The following RBM19 variants were observed in gnomAD, a reference collection of about 807,000 sequenced individuals.
RBM19 encodes RNA binding motif protein 19.
In RBM19, 94 loss-of-function variants were observed where a neutral mutation model predicts 116.8. The observed-to-expected ratio is 0.80, with a 90% CI of 0.68 to 0.95. The LOEUF (loss-of-function observed/expected upper bound fraction) is 0.95, where lower values mean the gene tolerates loss of function less well. RBM19 is among the 40% of genes least tolerant of loss of function. The pLI, the probability that RBM19 is intolerant of heterozygous loss-of-function variation, is 0.00. For synonymous variants in RBM19, 475 were observed against 494.1 expected (o/e 0.96, Z 0.51); for missense variants, 1,161 against 1,220.7 (o/e 0.95, Z 0.73).
intron 19 of RBM19, among the ~76,000 whole-genome samples, chr12:113,919,058 A>T (rs958680578): frequency 1.3e-5 from 2 of 152,238 alleles, no homozygotes; most frequent in African/African-American, 2.4e-5. Flanking sequence ...TATCGCGTGA[A>T]AGAGAAACAC....
rs187103210 is a variant in RBM19, at chr12:113,943,671, A to G, written c.1627-1237T>C. ...AAACCTCATCTCTACTAAAAATACAAAATTAGCCAGGCATGGTGGTGCGTG... is the reference window on the plus strand; with the variant it reads ...AAACCTCATCTCTACTAAAAATACAGAATTAGCCAGGCATGGTGGTGCGTG... On this transcript the variant is annotated intron_variant, in intron 13 of 23. Transcript: ENST00000261741. Among the ~76,000 whole-genome samples, 287 of 152,014 alleles carry G rather than the reference A, an allele frequency of 1.9e-3. 2 individuals are homozygous for G. The highest frequency in any genetic ancestry group is 2.9e-3 in the Non-Finnish European group (196 of 67,994).
At chr12:113,872,323 G>T (rs1266049881) in intron 21 of RBM19, among the ~76,000 whole-genome samples, 1 of 150,258 alleles carries the variant, frequency 6.7e-6, no homozygotes, top group Admixed American at 6.6e-5. Flanking sequence ...GAGCCCCTCC[G>T]CCCGGCAGCC....
intron 18 of RBM19, among the ~76,000 whole-genome samples, chr12:113,922,042 C>T (rs1413124432): frequency 1.3e-5 from 2 of 152,102 alleles, no homozygotes; most frequent in Non-Finnish European, 2.9e-5. Context: ...TGTCCCCACC[C>T]GCCTCCTTGC....
rs191383446 is a variant in RBM19, at chr12:113,877,972, C to T, written c.2559-19076G>A. Among the ~76,000 whole-genome samples, 372 of 152,282 alleles carry T rather than the reference C, an allele frequency of 2.4e-3. 3 individuals carry two copies. Among genetic ancestry groups the T allele is most frequent in the Middle Eastern group, 0.01 (3 of 294 alleles). On this transcript the variant is annotated intron_variant, in intron 21 of 23. Transcript: ENST00000261741. ...ACCATGGCCTACCGGCAGAATCTGG[C>T]CTACTAAATATTTGGGGTAAATACA...
intron 21 of RBM19, among the ~76,000 whole-genome samples, chr12:113,863,211 C>CTGTGTGTG (rs3065431): frequency 1.1e-4 from 17 of 148,516 alleles, no homozygotes; most frequent in African/African-American, 3.7e-4. Context: ...ATACGTGTGT[C>CTGTGTGTG]TGTGTGTGTG....
At position 113,898,138 on chromosome 12, in the gene RBM19, A is replaced by G. The variant is rs938678039; in HGVS notation, c.2558+16831T>C. ...GTCCATTTAATGGAACAGTTTCTCT[A>G]ATTAGGGTCTGCTGCCTCTCGGATA... On this transcript the variant is annotated intron_variant, in intron 21 of 23. Coordinates refer to ENST00000261741, the MANE Select transcript of RBM19 (RefSeq NM_016196.4). This position sits in a 1 kb window ranked among gnomAD's most constrained non-coding sequence, Gnocchi z 4.3. 6.6e-6 allele frequency among the ~76,000 whole-genome samples: 1 copy of G among 152,090 alleles called. No homozygotes were observed. Among genetic ancestry groups the G allele is most frequent in the African/African-American group, 2.4e-5 (1 of 41,400 alleles).
chr12:113,849,058 C>G (rs1877231713), intron 22 of RBM19, among the ~76,000 whole-genome samples: 1 of 152,208 alleles, frequency 6.6e-6, no homozygotes, highest in Non-Finnish European at 1.5e-5. Context: ...CTCCTTCTTC[C>G]TTTTGGCCTC....
At chr12:113,826,388 C>T (rs1490974769) in intron 23 of RBM19, among the ~76,000 whole-genome samples, 3 of 152,194 alleles carry the variant, frequency 2.0e-5, no homozygotes, top group Admixed American at 6.5e-5. Flanking sequence ...AGTAGATGCT[C>T]AATAAATGTG....
intron 13 of RBM19, among the ~76,000 whole-genome samples, chr12:113,945,220 GA>G (rs1870913909): frequency 6.6e-6 from 1 of 152,170 alleles, no homozygotes; most frequent in Non-Finnish European, 1.5e-5. Flanking sequence ...ACATCATGTT[GA>G]TTTTTAAAGC....
At chr12:113,818,937 A>G (rs1441389130), downstream of RBM19, among the ~76,000 whole-genome samples, 1 of 151,940 alleles carries the variant, frequency 6.6e-6, no homozygotes, top group African/African-American at 2.4e-5. Context: ...GGCCCTCCTC[A>G]CCCATCCAGG....
At chr12:113,861,408 G>A (rs778028697) in intron 21 of RBM19, among the ~76,000 whole-genome samples, 5 of 151,720 alleles carry the variant, frequency 3.3e-5, no homozygotes, top group Non-Finnish European at 7.4e-5. Context: ...CTGCCCACAA[G>A]GGCTATAATC....
chr12:113,935,879 C>CA (rs1329058805), intron 16 of RBM19, among the ~76,000 whole-genome samples: 1 of 151,922 alleles, frequency 6.6e-6, no homozygotes, highest in Admixed American at 6.6e-5. Flanking sequence ...ACCAAAAATA[C>CA]AAAAAAATTA....
At chr12:113,876,951 T>G (rs1879711571) in intron 21 of RBM19, among the ~76,000 whole-genome samples, 1 of 152,156 alleles carries the variant, frequency 6.6e-6, no homozygotes, top group Non-Finnish European at 1.5e-5. Flanking sequence ...TCGGAGCCAG[T>G]GAAGGGCCAG....
chr12:113,910,274 C>A (rs1237110839), intron 21 of RBM19, among the ~76,000 whole-genome samples: 2 of 152,230 alleles, frequency 1.3e-5, no homozygotes, highest in Non-Finnish European at 2.9e-5. Flanking sequence ...GAGGCAGACA[C>A]ACTCTTCATT....
intron 8 of RBM19, among the ~76,000 whole-genome samples, chr12:113,950,671 G>A (rs945400140): frequency 9.3e-6 from 1 of 107,840 alleles, no homozygotes; most frequent in Admixed American, 8.0e-5. Flanking sequence ...GCAACAAGGT[G>A]AGGGGTGAGG....
In RBM19 at chr12:113,897,543, G is replaced by A. The variant is rs115801075; in HGVS notation, c.2558+17426C>T. Reference sequence around the variant, plus strand: ...AAACACCAATCTAGCCAGGTGTGGTGGCTCGCACCTACAATCCCGGCTACT... The same window carrying A: ...AAACACCAATCTAGCCAGGTGTGGTAGCTCGCACCTACAATCCCGGCTACT... On this transcript the variant is annotated intron_variant, in intron 21 of 23. Transcript: ENST00000261741. Among the ~76,000 whole-genome samples, 836 of 152,314 alleles carry A rather than the reference G, an allele frequency of 5.5e-3. 6 individuals are homozygous for A. Among genetic ancestry groups the A allele is most frequent in the African/African-American group, 0.019 (785 of 41,566 alleles).
intron 8 of RBM19, 71 bp from the exon 9 acceptor site, chr12:113,950,225 A>C: frequency 7.9e-7 from 1 of 1,270,010 alleles, no homozygotes; most frequent in Non-Finnish European, 1.1e-6. Context: ...CCAGAGGAAC[A>C]CCCATACTGT....
intron 18 of RBM19, among the ~76,000 whole-genome samples, chr12:113,921,741 G>C (rs954624232): frequency 2.0e-5 from 3 of 152,194 alleles, no homozygotes; most frequent in African/African-American, 7.2e-5. Flanking sequence ...TTGGAGGCTC[G>C]AGGCTGCAGG....
chr12:113,882,296 G>A (rs1332549154), intron 21 of RBM19, among the ~76,000 whole-genome samples: 1 of 152,196 alleles, frequency 6.6e-6, no homozygotes, highest in Non-Finnish European at 1.5e-5. Flanking sequence ...TGGCCATTGA[G>A]AGTTGTCCCA....
Sources: allele counts gnomAD v4.1 joint callset (sites outside exome capture counted in the v4.1 genomes callset), GRCh38; gene constraint gnomAD v4.1.1; non-coding constraint Gnocchi (gnomAD v3.1); transcripts MANE v1.5; gene names NCBI Gene and HGNC (gene_info 2026-07-23, HGNC 2026-07-21).